The following ERBB4 variants were observed in gnomAD, a reference collection of about 807,000 sequenced individuals.
The protein encoded by ERBB4 is receptor tyrosine-protein kinase erbB-4.
In ERBB4, 42 loss-of-function variants were observed where a neutral mutation model predicts 158.0. The ratio of observed to expected loss-of-function variants is 0.27; its 90% CI spans 0.21 to 0.34. ERBB4 has a LOEUF of 0.34. Ranked by LOEUF, ERBB4 falls within the 10% of genes least tolerant of loss-of-function variation. The pLI, the probability that ERBB4 is intolerant of heterozygous loss-of-function variation, is 1.00. For synonymous variants in ERBB4, 583 were observed against 558.7 expected (o/e 1.04, Z -0.61); for missense variants, 1,333 against 1,624.1 (o/e 0.82, Z 3.08).
At chr2:211,461,695 A>G (rs1412784138) in intron 20 of ERBB4, among the ~76,000 whole-genome samples, 2 of 152,174 alleles carry the variant, frequency 1.3e-5, no homozygotes, top group Non-Finnish European at 2.9e-5. Flanking sequence ...GATACACACT[A>G]CGAAATGTAG....
intron 3 of ERBB4, among the ~76,000 whole-genome samples, chr2:211,828,765 G>A (rs1385473674): frequency 1.3e-5 from 2 of 152,064 alleles, no homozygotes; most frequent in Non-Finnish European, 2.9e-5. Flanking sequence ...TACATCTAGA[G>A]TCTGGACTTA....
intron 3 of ERBB4, among the ~76,000 whole-genome samples, chr2:211,808,880 T>C (rs1334425930): frequency 6.6e-6 from 1 of 152,208 alleles, no homozygotes; most frequent in Non-Finnish European, 1.5e-5. Flanking sequence ...CTTTATTCTC[T>C]TTGTAGCAAT....
At chr2:212,527,030 C>T (rs968306877) in intron 1 of ERBB4, among the ~76,000 whole-genome samples, 4 of 151,968 alleles carry the variant, frequency 2.6e-5, no homozygotes, top group African/African-American at 7.2e-5. Context: ...GATTAAAAAT[C>T]CAGCGAGTCC....
At chr2:211,463,973 CT>C (rs1333555004) in intron 20 of ERBB4, among the ~76,000 whole-genome samples, 17 of 152,056 alleles carry the variant, frequency 1.1e-4, no homozygotes, top group African/African-American at 4.1e-4. Flanking sequence ...TGCATTTGTT[CT>C]TCCTTCTGTT....
intron 20 of ERBB4, among the ~76,000 whole-genome samples, chr2:211,449,033 C>A (rs2064178758): frequency 6.6e-6 from 1 of 151,992 alleles, no homozygotes; most frequent in Non-Finnish European, 1.5e-5. Flanking sequence ...CTTTAATCAT[C>A]TTTACAAATT....
At chr2:212,065,013 G>GTGTGTGTGTGTGTGT (rs1220260900) in intron 2 of ERBB4, among the ~76,000 whole-genome samples, 2 of 150,968 alleles carry the variant, frequency 1.3e-5, no homozygotes, top group African/African-American at 4.9e-5. Flanking sequence ...GTGTGTGTGT[G>GTGTGTGTGTGTGTGT]TGTGTGTGTG....
intron 20 of ERBB4, among the ~76,000 whole-genome samples, chr2:211,527,348 C>T (rs2125653300): frequency 6.6e-6 from 1 of 152,000 alleles, no homozygotes; most frequent in South Asian, 2.1e-4. Context: ...TATATCTGGA[C>T]AAAATATCCT....
At chr2:212,371,129 C>A (rs1319190869) in intron 1 of ERBB4, among the ~76,000 whole-genome samples, 1 of 152,166 alleles carries the variant, frequency 6.6e-6, no homozygotes, top group Non-Finnish European at 1.5e-5. Context: ...ACTGCCCAAT[C>A]ACGTTGGGCA....
chr2:212,154,387 A>G (rs1056807867), intron 1 of ERBB4, among the ~76,000 whole-genome samples: 5 of 152,078 alleles, frequency 3.3e-5, no homozygotes, highest in African/African-American at 9.7e-5. Context: ...TACAAATGGC[A>G]CACACACACT....
In ERBB4 at chr2:211,772,840, T is replaced by TAC. The variant is rs1465234629; in HGVS notation, c.556+15184_556+15185insGT. ...ATATATATATATATATATATACACA[T>TAC]ATATATATATATATATATATATATA... On this transcript the variant is annotated intron_variant, in intron 4 of 27. Transcript: ENST00000342788. Among the ~76,000 whole-genome samples, 215 of 50,678 alleles carry TAC rather than the reference T, an allele frequency of 4.2e-3. 7 individuals are homozygous for TAC. In the East Asian group the frequency reaches 0.054, roughly 13 times the overall value. The allele number at this position is 50,678 out of a possible 152,430, so 33.2% of individuals were successfully genotyped here. A position where few individuals can be genotyped will look rare whatever the true frequency, so the allele number is the denominator to read the frequency against.
chr2:211,826,885 CT>C (rs2105958314), intron 3 of ERBB4, among the ~76,000 whole-genome samples: 1 of 152,076 alleles, frequency 6.6e-6, no homozygotes, highest in South Asian at 2.1e-4. Flanking sequence ...ATGAATTAAA[CT>C]TCTTGCCCAA....
intron 1 of ERBB4, among the ~76,000 whole-genome samples, chr2:212,446,995 C>CTTTTTTTTTTTTTTTTTTTTTTTT (rs771259936): frequency 7.3e-6 from 1 of 136,612 alleles, no homozygotes. Context: ...CCAAATTTTT[C>CTTTTTTTTTTTTTTTTTTTTTTTT]TTTTTTTTTT....
At chr2:212,287,039 G>A (rs1034733666) in intron 1 of ERBB4, among the ~76,000 whole-genome samples, 1 of 151,682 alleles carries the variant, frequency 6.6e-6, no homozygotes, top group South Asian at 2.1e-4. Context: ...CATAAACAAC[G>A]CGCTGACACA....
At chr2:212,392,515 G>A (rs770219476) in intron 1 of ERBB4, among the ~76,000 whole-genome samples, 1 of 151,942 alleles carries the variant, frequency 6.6e-6, no homozygotes, top group Non-Finnish European at 1.5e-5. Context: ...GACCTGTTTG[G>A]TAATAAATTC....
At position 211,543,746 on chromosome 2, in the gene ERBB4, G is replaced by A. The variant is rs183216082; in HGVS notation, c.2487+18157C>T. ...AATATGGGTTTATAATGGAAATGTC[G>A]ACAGACTCTAGCAGGCGCTGCTGTA... On this transcript the variant is annotated intron_variant, in intron 20 of 27. Coordinates refer to ENST00000342788, the MANE Select transcript of ERBB4 (RefSeq NM_005235.3). Among the ~76,000 whole-genome samples the A allele has an allele frequency of 2.8e-3, 417 of 151,456 alleles. 2 individuals carry two copies. Among genetic ancestry groups the A allele is most frequent in the Non-Finnish European group, 4.7e-3 (320 of 67,902 alleles).
intron 3 of ERBB4, among the ~76,000 whole-genome samples, chr2:211,927,885 A>C (rs984951579): frequency 6.6e-6 from 1 of 152,186 alleles, no homozygotes; most frequent in Non-Finnish European, 1.5e-5. Context: ...TACAACAGTA[A>C]ATAAAGTATA....
At chr2:212,447,082 C>T (rs551005197) in intron 1 of ERBB4, among the ~76,000 whole-genome samples, 45 of 151,476 alleles carry the variant, frequency 3.0e-4, no homozygotes, top group African/African-American at 1.0e-3. Flanking sequence ...CTGCAAGCTC[C>T]GCCTCCTAGG....
chr2:211,890,646 G>A (rs1174112431), intron 3 of ERBB4, among the ~76,000 whole-genome samples: 2 of 134,444 alleles, frequency 1.5e-5, no homozygotes, highest in East Asian at 2.1e-4. Context: ...TCAGTGTGCT[G>A]TATTCAGGAA....
At chr2:212,353,355 A>G (rs1011680943) in intron 1 of ERBB4, among the ~76,000 whole-genome samples, 2 of 150,402 alleles carry the variant, frequency 1.3e-5, no homozygotes, top group Non-Finnish European at 3.0e-5. Context: ...TATAATATGT[A>G]CAAATGTACG....
Sources: allele counts gnomAD v4.1 joint callset (sites outside exome capture counted in the v4.1 genomes callset), GRCh38; gene constraint gnomAD v4.1.1; transcripts MANE v1.5; gene names NCBI Gene and HGNC (gene_info 2026-07-23, HGNC 2026-07-21).